Variants in GPC5 observed in about 807,000 individuals in gnomAD.
GPC5 encodes the protein glypican-5.
In GPC5, 47 loss-of-function variants were observed where a neutral mutation model predicts 53.9. The ratio of observed to expected loss-of-function variants is 0.87; its 90% confidence interval spans 0.69 to 1.11. The LOEUF is 1.11. GPC5 is among the 50% of genes most tolerant of loss of function. The probability of loss-of-function intolerance (pLI) is 0.00; values close to 1 mark genes in which losing one functional copy is unlikely to be tolerated. For missense variants in GPC5, 748 were observed against 713.1 expected, an observed-to-expected ratio of 1.05 and a Z score of -0.56; for synonymous variants, 286 against 263.3, an observed-to-expected ratio of 1.09 and a Z score of -0.84.
intron 7 of GPC5, among the ~76,000 whole-genome samples, chr13:92,281,402 G>A (rs143247680): frequency 6.6e-6 from 1 of 152,148 alleles, no homozygotes; most frequent in African/African-American, 2.4e-5. Context: ...GAGAGTAGTG[G>A]TTCTCCCAGC....
intron 5 of GPC5, among the ~76,000 whole-genome samples, chr13:91,906,658 A>G (rs1332636658): frequency 1.3e-5 from 2 of 152,020 alleles, no homozygotes; most frequent in East Asian, 1.9e-4. Flanking sequence ...AATCCTAATC[A>G]CCTAGTATAG....
At chr13:91,808,656 T>C (rs1189437288) in intron 5 of GPC5, among the ~76,000 whole-genome samples, 1 of 152,168 alleles carries the variant, frequency 6.6e-6, no homozygotes, top group African/African-American at 2.4e-5. Flanking sequence ...GACTTTGCAA[T>C]GTAATAATGA....
rs1385508536 is a variant in GPC5, at chr13:92,353,817, T to C, written c.1561+208828T>C. Among the ~76,000 whole-genome samples the C allele has an allele frequency of 2.0e-5, 3 of 152,194 alleles. No homozygotes were observed. The East Asian group carries it at 5.8e-4, about 29-fold the overall frequency. ...CTAAACATCTGGTAATAAATGATTC[T>C]CTATTCTATTCCAAAACCTATTAAG... is the stretch of plus-strand genomic sequence containing the variant. On this transcript the variant is annotated intron_variant, in intron 7 of 7. Transcript: ENST00000377067.
At chr13:92,508,308 C>A (rs1050774490) in intron 7 of GPC5, among the ~76,000 whole-genome samples, 109 of 152,172 alleles carry the variant, frequency 7.2e-4, no homozygotes, top group African/African-American at 2.6e-3. Context: ...TTGTAAATCA[C>A]CCAAATATAT....
chr13:91,664,841 C>T (rs1594399352), intron 2 of GPC5, among the ~76,000 whole-genome samples: 1 of 152,202 alleles, frequency 6.6e-6, no homozygotes, highest in African/African-American at 2.4e-5. Flanking sequence ...TGCTTATACT[C>T]CTTTACCTGT....
intron 7 of GPC5, among the ~76,000 whole-genome samples, chr13:92,682,516 T>A (rs1323462797): frequency 1.3e-5 from 2 of 152,218 alleles, no homozygotes; most frequent in South Asian, 4.1e-4. Context: ...GATTTTCTTT[T>A]ACTGTTCTTA....
At chr13:91,712,330 A>G (rs892440878) in intron 3 of GPC5, among the ~76,000 whole-genome samples, 5 of 150,886 alleles carry the variant, frequency 3.3e-5, no homozygotes, top group South Asian at 2.1e-4. Context: ...GTGTGTGTGT[A>G]TATATATATG....
chr13:91,930,075 A>C (rs1249797765), intron 6 of GPC5, among the ~76,000 whole-genome samples: 3 of 152,096 alleles, frequency 2.0e-5, no homozygotes, highest in African/African-American at 7.2e-5. Context: ...CCCAGTAAGA[A>C]GTGAAAATGT....
chr13:92,018,496 T>C (rs1205837989), intron 6 of GPC5, among the ~76,000 whole-genome samples: 1 of 152,098 alleles, frequency 6.6e-6, no homozygotes, highest in African/African-American at 2.4e-5. Flanking sequence ...TGTGTTTGAA[T>C]GGTACTTAAA....
intron 7 of GPC5, among the ~76,000 whole-genome samples, chr13:92,849,023 C>T (rs934022278): frequency 6.6e-6 from 1 of 152,108 alleles, no homozygotes; most frequent in Non-Finnish European, 1.5e-5. Flanking sequence ...GTGTTCTCTC[C>T]TCACACACGC....
At chr13:92,256,799 C>T (rs1238166237) in intron 7 of GPC5, among the ~76,000 whole-genome samples, 2 of 151,470 alleles carry the variant, frequency 1.3e-5, no homozygotes, top group African/African-American at 4.8e-5. Flanking sequence ...TTTCCCTCAT[C>T]GTTTTGAAAA....
In GPC5 at chr13:92,303,087, G is replaced by GT. The variant is rs899924525; in HGVS notation, c.1561+158105dup. On this transcript the variant is annotated intron_variant, in intron 7 of 7. Coordinates refer to ENST00000377067, the MANE Select transcript of GPC5 (RefSeq NM_004466.6). ...CTTATTCTCCTCTAACATTTTCATT[G>GT]TTTTTTTCCCCCCTATGGTTCTTTT... is the stretch of plus-strand genomic sequence containing the variant. Among the ~76,000 whole-genome samples the GT allele has an allele frequency of 5.1e-4, 78 of 151,780 alleles. 1 individual carries two copies. Among genetic ancestry groups the GT allele is most frequent in the Middle Eastern group, 3.4e-3 (1 of 292 alleles).
chr13:92,493,842 A>G (rs1879857946), intron 7 of GPC5, among the ~76,000 whole-genome samples: 1 of 152,194 alleles, frequency 6.6e-6, no homozygotes, highest in Non-Finnish European at 1.5e-5. Context: ...AGGAATAATA[A>G]TTCAGACTAT....
intron 2 of GPC5, among the ~76,000 whole-genome samples, chr13:91,586,883 C>T (rs561071282): frequency 1.3e-5 from 2 of 151,588 alleles, no homozygotes; most frequent in South Asian, 2.1e-4. Flanking sequence ...TGCAACCTTA[C>T]GATTAAAAAT....
intron 6 of GPC5, among the ~76,000 whole-genome samples, chr13:92,078,800 G>C (rs1162898066): frequency 6.6e-6 from 1 of 152,088 alleles, no homozygotes; most frequent in Non-Finnish European, 1.5e-5. Context: ...TCACCTCTTT[G>C]CATGCTGCCA....
chr13:91,870,996 G>A (rs915231163), intron 5 of GPC5, among the ~76,000 whole-genome samples: 3 of 152,120 alleles, frequency 2.0e-5, no homozygotes, highest in Admixed American at 1.3e-4. Flanking sequence ...AACATCAAAT[G>A]TATTTATGTT....
At chr13:91,954,310 CTATG>C (rs1385512838) in intron 6 of GPC5, among the ~76,000 whole-genome samples, 1 of 152,108 alleles carries the variant, frequency 6.6e-6, no homozygotes, top group East Asian at 1.9e-4. Context: ...CCCATTTTCT[CTATG>C]AATAATTACT....
intron 1 of GPC5, among the ~76,000 whole-genome samples, chr13:91,413,115 T>C (rs776584883): frequency 6.6e-6 from 1 of 152,020 alleles, no homozygotes; most frequent in Non-Finnish European, 1.5e-5. Context: ...ACTCCATCTC[T>C]ACAAAAAATT....
intron 2 of GPC5, among the ~76,000 whole-genome samples, chr13:91,493,161 A>T (rs1884033610): frequency 6.6e-6 from 1 of 152,228 alleles, no homozygotes; most frequent in Non-Finnish European, 1.5e-5. Flanking sequence ...ATGCCTGCAT[A>T]AGTGCAGCAG....
Sources: allele counts gnomAD v4.1 joint callset (sites outside exome capture counted in the v4.1 genomes callset), GRCh38; gene constraint gnomAD v4.1.1; transcripts MANE v1.5; gene names NCBI Gene and HGNC (gene_info 2026-07-23, HGNC 2026-07-21).